The following ADGRL3 variants were observed in gnomAD, a reference collection of about 807,000 sequenced individuals.
ADGRL3 encodes adhesion G protein-coupled receptor L3.
ADGRL3 carries 62 observed loss-of-function variants against 153.5 expected under a neutral mutation model. The observed-to-expected ratio is 0.40, with a 90% CI of 0.33 to 0.50. The LOEUF (loss-of-function observed/expected upper bound fraction) is 0.50. Ranked by LOEUF, ADGRL3 falls within the 20% of genes least tolerant of loss-of-function variation. The probability of loss-of-function intolerance (pLI) is 0.47; values close to 1 mark genes in which losing one functional copy is unlikely to be tolerated. For missense variants in ADGRL3, 1,641 were observed against 1,859.4 expected, an observed-to-expected ratio of 0.88 and a Z score of 2.16; for synonymous variants, 710 against 672.5, an observed-to-expected ratio of 1.06 and a Z score of -0.86.
chr4:61,805,446 T>C (rs949798965), intron 8 of ADGRL3, among the ~76,000 whole-genome samples: 1 of 152,190 alleles, frequency 6.6e-6, no homozygotes, highest in African/African-American at 2.4e-5. Context: ...CAAACCTCTT[T>C]GTTGTGACTT....
At chr4:61,532,553 C>CGT (rs1344839723) in intron 4 of ADGRL3, among the ~76,000 whole-genome samples, 5,426 of 131,298 alleles carry the variant, frequency 0.041, 111 homozygotes, top group Non-Finnish European at 0.047. Flanking sequence ...CGCGCGCGCG[C>CGT]GCGTGTGTGT....
At chr4:61,913,313 T>C (rs957704280) in intron 13 of ADGRL3, among the ~76,000 whole-genome samples, 2 of 152,168 alleles carry the variant, frequency 1.3e-5, no homozygotes, top group Non-Finnish European at 2.9e-5. Flanking sequence ...CATGTTGTAA[T>C]TTATAAGCAA....
intron 8 of ADGRL3, among the ~76,000 whole-genome samples, chr4:61,767,703 T>C (rs956063604): frequency 2.0e-5 from 3 of 152,164 alleles, no homozygotes; most frequent in Admixed American, 6.5e-5. Context: ...GGAGGAATCC[T>C]GGGCTGCGGG....
intron 4 of ADGRL3, among the ~76,000 whole-genome samples, chr4:61,570,560 C>G (rs2098834435): frequency 6.6e-6 from 1 of 152,148 alleles, no homozygotes; most frequent in East Asian, 1.9e-4. Context: ...TGCCTCATCT[C>G]TGAAACACCT....
At chr4:61,409,362 T>TAC (rs992845994) in intron 2 of ADGRL3, among the ~76,000 whole-genome samples, 2 of 20,722 alleles carry the variant, frequency 9.7e-5, no homozygotes, top group Non-Finnish European at 6.3e-4. Context: ...TATAATATAT[T>TAC]ATATATATAA....
At chr4:61,682,759 T>G (rs570735741) in intron 6 of ADGRL3, among the ~76,000 whole-genome samples, 1 of 152,220 alleles carries the variant, frequency 6.6e-6, no homozygotes, top group East Asian at 1.9e-4. Flanking sequence ...TTTGTTGAAC[T>G]GCTTCACATG....
chr4:61,363,353 G>A (rs1318480886), intron 1 of ADGRL3, among the ~76,000 whole-genome samples: 1 of 135,718 alleles, frequency 7.4e-6, no homozygotes, highest in African/African-American at 2.6e-5. Flanking sequence ...TTTTTTTTTT[G>A]GATTTTTAAA....
At chr4:61,813,924 T>C in intron 9 of ADGRL3, 35 bp downstream of exon 9, 1 of 1,608,588 alleles carries the variant, frequency 6.2e-7, no homozygotes, top group East Asian at 2.2e-5. Context: ...AAAGTAACTC[T>C]GCTCATTCTT....
intron 1 of ADGRL3, among the ~76,000 whole-genome samples, chr4:61,263,074 A>G (rs1578028649): frequency 6.6e-6 from 1 of 152,070 alleles, no homozygotes; most frequent in Non-Finnish European, 1.5e-5. Context: ...TGTTGAATGC[A>G]ATCTTGATAT....
intron 5 of ADGRL3, among the ~76,000 whole-genome samples, chr4:61,652,943 A>G (rs200439701): frequency 6.6e-6 from 1 of 152,124 alleles, no homozygotes; most frequent in East Asian, 1.9e-4. Flanking sequence ...CTATGCACTG[A>G]ATAATGTCTG....
intron 4 of ADGRL3, among the ~76,000 whole-genome samples, chr4:61,585,360 G>T (rs535875116): frequency 2.0e-5 from 3 of 151,688 alleles, no homozygotes; most frequent in Admixed American, 1.3e-4. Context: ...TTAAATTATA[G>T]ATATGTTTCA....
At chr4:61,588,248 T>G (rs575254566) in intron 5 of ADGRL3, among the ~76,000 whole-genome samples, 1 of 152,016 alleles carries the variant, frequency 6.6e-6, no homozygotes, top group African/African-American at 2.4e-5. Flanking sequence ...TTCTATTATT[T>G]AAGAACTTCT....
intron 1 of ADGRL3, among the ~76,000 whole-genome samples, chr4:61,253,152 G>T (rs986984429): frequency 6.6e-6 from 1 of 152,172 alleles, no homozygotes; most frequent in Non-Finnish European, 1.5e-5. Flanking sequence ...GCCTAAAGAT[G>T]ATTTAGAAAA....
At chr4:61,832,999 G>A (rs1408238893) in intron 9 of ADGRL3, among the ~76,000 whole-genome samples, 1 of 151,824 alleles carries the variant, frequency 6.6e-6, no homozygotes, top group African/African-American at 2.4e-5. Context: ...TTCCTGAAGT[G>A]CCTACATGCA....
At chr4:61,229,391 A>G (rs750617429) in intron 1 of ADGRL3, among the ~76,000 whole-genome samples, 1 of 152,242 alleles carries the variant, frequency 6.6e-6, no homozygotes, top group Non-Finnish European at 1.5e-5. Flanking sequence ...TTACCTTGGT[A>G]GCCCTATCTG....
intron 6 of ADGRL3, among the ~76,000 whole-genome samples, chr4:61,716,903 T>C (rs1298738481): frequency 6.6e-6 from 1 of 152,134 alleles, no homozygotes; most frequent in Non-Finnish European, 1.5e-5. Flanking sequence ...TGATGTTAAC[T>C]TCCATCACTA....
rs941895349 is a variant in ADGRL3, at chr4:61,986,536, A to C, written c.3236+2933A>C. ...GCACCGTAACTGGAAGCTCTCATTT[A>C]CTGACATTATTGCTGTGTGAGACTA... On this transcript the variant is annotated intron_variant, in intron 19 of 26. Coordinates refer to ENST00000683033, the MANE Select transcript of ADGRL3 (RefSeq NM_001387552.1). Among the ~76,000 whole-genome samples, 4 of 152,176 alleles carry C rather than the reference A, an allele frequency of 2.6e-5. No individual in the cohort carries two copies. The East Asian group carries it at 7.7e-4, about 29-fold the overall frequency.
intron 2 of ADGRL3, among the ~76,000 whole-genome samples, chr4:61,398,430 CT>C (rs5858698): frequency 0.91 from 135,480 of 149,358 alleles, 62,541 homozygotes; most frequent in Non-Finnish European, 1. Flanking sequence ...GATCAGTTAT[CT>C]TTTTTTTTTT....
chr4:61,967,691 C>T (rs2099012081), intron 17 of ADGRL3, among the ~76,000 whole-genome samples: 1 of 152,170 alleles, frequency 6.6e-6, no homozygotes, highest in South Asian at 2.1e-4. Flanking sequence ...TATATGTTGT[C>T]TATGTCCAAA....
Sources: allele counts gnomAD v4.1 joint callset (sites outside exome capture counted in the v4.1 genomes callset), GRCh38; gene constraint gnomAD v4.1.1; transcripts MANE v1.5; gene names NCBI Gene and HGNC (gene_info 2026-07-23, HGNC 2026-07-21).